PKNOX2: variants seen among roughly 807,000 people sequenced by gnomAD.
PKNOX2 encodes homeobox protein PKNOX2.
Under a neutral mutation model 53.1 loss-of-function variants are expected in PKNOX2, and 14 were observed. The ratio of observed to expected loss-of-function variants is 0.26; its 90% CI spans 0.17 to 0.41. PKNOX2 has a LOEUF of 0.41. PKNOX2 is among the 10% of genes least tolerant of loss of function. The pLI, the probability that PKNOX2 is intolerant of heterozygous loss-of-function variation, is 1.00. For missense variants in PKNOX2, 496 were observed against 602.8 expected (o/e 0.82, Z 1.85); for synonymous variants, 257 against 242.8 (o/e 1.06, Z -0.54).
chr11:125,293,341 G>C (rs2135920533), intron 2 of PKNOX2, among the ~76,000 whole-genome samples: 1 of 152,200 alleles, frequency 6.6e-6, no homozygotes, highest in African/African-American at 2.4e-5. Flanking sequence ...ATGACTAATG[G>C]GGCAAGCGGG....
At chr11:125,389,166 G>T (rs952429293) in intron 6 of PKNOX2, among the ~76,000 whole-genome samples, 1 of 151,956 alleles carries the variant, frequency 6.6e-6, no homozygotes, top group African/African-American at 2.4e-5. Flanking sequence ...CTGCACTCCA[G>T]CCTGGGCAGC....
At chr11:125,296,332 A>G (rs1055310060) in intron 2 of PKNOX2, among the ~76,000 whole-genome samples, 7 of 152,058 alleles carry the variant, frequency 4.6e-5, no homozygotes, top group African/African-American at 2.4e-5. Flanking sequence ...GCTCTACCCA[A>G]TACAGATCCC....
rs1448303847 is a variant in PKNOX2 at position 125,422,760 on chromosome 11, C to G, written c.937-6252C>G. Among the ~76,000 whole-genome samples, 1 of 152,106 alleles carries G rather than the reference C, an allele frequency of 6.6e-6. No individual in the cohort carries two copies. The highest frequency in any genetic ancestry group is 1.5e-5 in the Non-Finnish European group (1 of 68,030). On this transcript the variant is annotated intron_variant, in intron 10 of 12. Transcript: ENST00000298282. This position sits in a 1 kb window ranked among gnomAD's most constrained non-coding sequence, Gnocchi z 4.1. ...AGATTTACAACCTCACAGCATTCCC[C>G]AAGAAGCTTAAGACTCAGGTTAGGA...
chr11:125,192,513 C>A (rs1358217887), intron 1 of PKNOX2, among the ~76,000 whole-genome samples: 1 of 152,190 alleles, frequency 6.6e-6, no homozygotes, highest in Non-Finnish European at 1.5e-5. Context: ...GGAGCTAGGT[C>A]TGGGGAAGGT....
chr11:125,290,327 T>C (rs1947229404), intron 2 of PKNOX2, among the ~76,000 whole-genome samples: 2 of 152,202 alleles, frequency 1.3e-5, no homozygotes, highest in Non-Finnish European at 2.9e-5. Context: ...GCAAGTTCTG[T>C]GTGCTTTTGG....
intron 2 of PKNOX2, among the ~76,000 whole-genome samples, chr11:125,262,720 G>C (rs1215887795): frequency 6.6e-5 from 10 of 152,036 alleles, no homozygotes; most frequent in Non-Finnish European, 1.5e-4. Flanking sequence ...AGCTGGGGGA[G>C]GGAGGTGATC....
Position 125,388,404 on chromosome 11 carries a change from C to T in PKNOX2, c.399+2682C>T, listed in dbSNP as rs59945929. Among the ~76,000 whole-genome samples, 680 of 152,176 alleles carry T rather than the reference C, an allele frequency of 4.5e-3. 9 individuals carry two copies. The highest frequency in any genetic ancestry group is 0.015 in the African/African-American group (643 of 41,510). On this transcript the variant is annotated intron_variant, in intron 6 of 12. Coordinates refer to ENST00000298282, the MANE Select transcript of PKNOX2 (RefSeq NM_001382323.2). ...ACTCTTTATCCGGACAGATATACTG[C>T]GCAGCCGAGCAGGGACATAAAATGA...
At chr11:125,221,363 G>A (rs895031235) in intron 1 of PKNOX2, among the ~76,000 whole-genome samples, 3 of 152,142 alleles carry the variant, frequency 2.0e-5, no homozygotes, top group Admixed American at 2.0e-4. Context: ...TAAGCATGAA[G>A]TGTGTGGCAT....
intron 1 of PKNOX2, among the ~76,000 whole-genome samples, chr11:125,184,639 C>T (rs1956344348): frequency 6.6e-6 from 1 of 152,180 alleles, no homozygotes; most frequent in Non-Finnish European, 1.5e-5. Context: ...GGGCTCCTTG[C>T]TGGGTAGAGG....
rs1328031690 is a variant in PKNOX2, at chr11:125,433,217, C to G, written c.*1825C>G. On this transcript the variant is annotated 3_prime_UTR_variant, in exon 13 of 13. Coordinates refer to ENST00000298282, the MANE Select transcript of PKNOX2 (RefSeq NM_001382323.2). ...AGACACACACACACACCGTTCCACT[C>G]ACCACCTGGACAGGCGTCCCCCAGC... 6.5e-6 allele frequency: 1 copy of G among 152,834 alleles called. No homozygotes were observed. Among genetic ancestry groups the G allele is most frequent in the Non-Finnish European group, 1.5e-5 (1 of 68,134 alleles). 9.5% of individuals were successfully genotyped at this position (152,834 alleles called of 1,614,324 possible).
intron 3 of PKNOX2, among the ~76,000 whole-genome samples, chr11:125,346,609 C>A (rs1455952673): frequency 6.6e-6 from 1 of 152,122 alleles, no homozygotes; most frequent in Non-Finnish European, 1.5e-5. Flanking sequence ...AAATTGAGAC[C>A]CAGACAGAGG....
At chr11:125,389,197 A>G (rs563785830) in intron 6 of PKNOX2, among the ~76,000 whole-genome samples, 3 of 88,198 alleles carry the variant, frequency 3.4e-5, no homozygotes, top group African/African-American at 2.0e-4. Context: ...TCCATTTCAA[A>G]AACAAACAAA....
intron 1 of PKNOX2, chr11:125,184,373 A>C (rs1341913721): frequency 6.6e-6 from 1 of 152,258 alleles, no homozygotes. Flanking sequence ...CAAAGGCCCA[A>C]GCCACACAGC....
intron 1 of PKNOX2, among the ~76,000 whole-genome samples, chr11:125,223,598 A>G (rs969460405): frequency 6.6e-6 from 1 of 152,226 alleles, no homozygotes; most frequent in African/African-American, 2.4e-5. Context: ...AAATATGTGT[A>G]AAACCAGAGT....
At chr11:125,297,133 T>C (rs1041934680) in intron 2 of PKNOX2, among the ~76,000 whole-genome samples, 7 of 152,236 alleles carry the variant, frequency 4.6e-5, no homozygotes, top group African/African-American at 1.4e-4. Context: ...TCTGCACTTA[T>C]GTCATTTACT....
chr11:125,355,040 G>A (rs1398474686), intron 4 of PKNOX2, among the ~76,000 whole-genome samples: 1 of 152,156 alleles, frequency 6.6e-6, no homozygotes, highest in East Asian at 1.9e-4. Context: ...GCTGAGGTGA[G>A]CAGATTGCCT....
At chr11:125,356,110 A>G (rs1951598926) in intron 4 of PKNOX2, among the ~76,000 whole-genome samples, 1 of 151,028 alleles carries the variant, frequency 6.6e-6, no homozygotes, top group African/African-American at 2.4e-5. Context: ...CTTATTAGCA[A>G]GACAAATATT....
chr11:125,429,927 G>A, intron 11 of PKNOX2, 36 bp from the exon 12 acceptor site: 2 of 1,597,658 alleles, frequency 1.3e-6, no homozygotes, highest in East Asian at 2.2e-5. Context: ...CCATGCAGGT[G>A]ATGACTAACC....
At position 125,342,213 on chromosome 11, in the gene PKNOX2, A is replaced by G. The variant is rs78023667; in HGVS notation, c.-22-9071A>G. On this transcript the variant is annotated intron_variant, in intron 3 of 12. Transcript: ENST00000298282. ...CAAGTTTTAAAATTTGGAACAAGGT[A>G]TCATCTAGCCAGAGGACACAGTACA... Among the ~76,000 whole-genome samples, 1,064 of 151,572 alleles carry G rather than the reference A, an allele frequency of 7.0e-3. 14 individuals carry two copies. The highest frequency in any genetic ancestry group is 0.024 in the African/African-American group (970 of 41,256).
Sources: allele counts gnomAD v4.1 joint callset (sites outside exome capture counted in the v4.1 genomes callset), GRCh38; gene constraint gnomAD v4.1.1; non-coding constraint Gnocchi (gnomAD v3.1); transcripts MANE v1.5; gene names NCBI Gene and HGNC (gene_info 2026-07-23, HGNC 2026-07-21).